The following THAP2 variants were observed in gnomAD, a reference collection of about 807,000 sequenced individuals.
THAP2 encodes the protein THAP domain-containing protein 2.
A neutral mutation model predicts 18.8 loss-of-function variants in THAP2; 16 were observed. The ratio of observed to expected loss-of-function variants is 0.85; its 90% confidence interval spans 0.58 to 1.29. The LOEUF is 1.29. Among genes scored for constraint, THAP2 ranks in the 50% most tolerant of loss-of-function variants. The pLI, the probability that THAP2 is intolerant of heterozygous loss-of-function variation, is 0.00. For missense variants in THAP2, 251 were observed against 265.3 expected, an observed-to-expected ratio of 0.95 and a Z score of 0.38; for synonymous variants, 80 against 89.2, an observed-to-expected ratio of 0.90 and a Z score of 0.58.
chr12:71,680,319 C>G lies in THAP2; in HGVS notation c.*3211C>G, dbSNP rs376458374. On this transcript the variant is annotated 3_prime_UTR_variant, in exon 3 of 3. Transcript: ENST00000308086. ...GCTGTTCACATTATCCTTTGTTTAA[C>G]GTATGAACCAGGTTACTAAAATAGG... 4.6e-5 allele frequency: 7 copies of G among 152,424 alleles called. No individual in the cohort carries two copies. Among genetic ancestry groups the G allele is most frequent in the African/African-American group, 1.4e-4 (6 of 41,428 alleles). The allele number at this position is 152,424 out of a possible 1,614,324, so 9.4% of individuals were successfully genotyped here. A position where few individuals can be genotyped will look rare whatever the true frequency, so the allele number is the denominator to read the frequency against.
chr12:71,676,295 G>A (rs1487846366), intron 2 of THAP2, among the ~76,000 whole-genome samples: 1 of 151,964 alleles, frequency 6.6e-6, no homozygotes, highest in Non-Finnish European at 1.5e-5. Flanking sequence ...ATTGAGAAAA[G>A]GGTATTTAAT....
rs1338315266 is a variant in THAP2, at chr12:71,676,925, AGCCACGTGT to A, written c.505_513del (p.Ala169_Cys171del). On this transcript the variant is annotated inframe_deletion, in exon 3 of 3. Transcript: ENST00000308086. Reference sequence around the variant, plus strand: ...GCAGAGCAACTCGAAGATGGATCAAAGCCACGTGTTTGGTAAAGAATTTAGAAGCAAATA... The same window carrying A: ...GCAGAGCAACTCGAAGATGGATCAAATTGGTAAAGAATTTAGAAGCAAATA... The A allele has an allele frequency of 6.2e-7, 1 of 1,613,848 alleles. No homozygotes were observed. Among genetic ancestry groups the A allele is most frequent in the Admixed American group, 1.7e-5 (1 of 59,996 alleles).
chr12:71,670,721 C>T (rs1881422317), intron 1 of THAP2, among the ~76,000 whole-genome samples: 1 of 151,874 alleles, frequency 6.6e-6, no homozygotes, highest in African/African-American at 2.4e-5. Flanking sequence ...GGTGGGTCAC[C>T]TGAGGTCAGG....
intron 1 of THAP2, among the ~76,000 whole-genome samples, chr12:71,672,478 A>G (rs960375332): frequency 6.6e-6 from 1 of 152,190 alleles, no homozygotes; most frequent in Non-Finnish European, 1.5e-5. Flanking sequence ...TTCTTTCTAA[A>G]AAAAAACTAC....
intron 2 of THAP2, among the ~76,000 whole-genome samples, chr12:71,675,579 A>ACATC (rs1270770027): frequency 6.6e-6 from 1 of 152,130 alleles, no homozygotes; most frequent in Non-Finnish European, 1.5e-5. Context: ...GATAGGAACC[A>ACATC]CATCATCTTA....
chr12:71,675,948 G>A (rs1468633337), intron 2 of THAP2, among the ~76,000 whole-genome samples: 4 of 151,946 alleles, frequency 2.6e-5, no homozygotes, highest in Admixed American at 2.0e-4. Flanking sequence ...GATATGATAC[G>A]GGCCCAGTGT....
rs1187653659 is a variant in THAP2, at chr12:71,678,717, A to G, written c.*1609A>G. On this transcript the variant is annotated 3_prime_UTR_variant, in exon 3 of 3. Transcript: ENST00000308086. ...TTAGGATTGCATTTGCTTGGCTCCT[A>G]GTAACAATTCTTTTACAGTATTAGC... The G allele has an allele frequency of 6.6e-6, 1 of 152,146 alleles. No individual in the cohort carries two copies. Among genetic ancestry groups the G allele is most frequent in the Non-Finnish European group, 1.5e-5 (1 of 68,012 alleles). 9.4% of individuals were successfully genotyped at this position (152,146 alleles called of 1,614,324 possible). A position where few individuals can be genotyped will look rare whatever the true frequency, so the allele number is the denominator to read the frequency against.
In THAP2 at chr12:71,676,775, G is replaced by C; in HGVS notation, c.354G>C (p.Gln118His). ...PSNLKSNISS[Q>H]QVLLEHSYAF... ...ATTTAAAATCAAACATTAGTAGTCA[G>C]CAAGTACTACTTGAACACAGCTATG... is the stretch of plus-strand genomic sequence containing the variant. The change falls in exon 3 of 3, where the codon CAG becomes CAC. Residue 118 changes from glutamine (Q) to histidine (H), a missense_variant. Transcript: ENST00000308086. 6.2e-7 allele frequency: 1 copy of C among 1,612,986 alleles called. No homozygotes were observed. The highest frequency in any genetic ancestry group is 8.5e-7 in the Non-Finnish European group (1 of 1,179,336).
chr12:71,674,358 T>C lies in THAP2; in HGVS notation c.227T>C (p.Val76Ala), dbSNP rs1881489261. The change falls in exon 2 of 3, where the codon GTT (valine) becomes GCT (alanine). Residue 76 changes from valine (V) to alanine (A), a missense_variant. By Grantham distance (64) the Val-to-Ala change is moderately conservative. Transcript: ENST00000308086. The stretch of plus-strand genomic sequence containing the variant: ...ACTCGACGACTTAAAATGGATGCTG[T>C]TCCAACCATTTTTGATTTTTGTACC... ...GQTRRLKMDA[V>A]PTIFDFCTHI... 2 of 1,611,484 alleles carry C rather than the reference T, an allele frequency of 1.2e-6. No individual in the cohort carries two copies. The highest frequency in any genetic ancestry group is 1.7e-6 in the Non-Finnish European group (2 of 1,178,398).
chr12:71,676,976 T>G lies in THAP2; in HGVS notation c.555T>G (p.Gly185=). 1 of 1,613,714 alleles carries G rather than the reference T, an allele frequency of 6.2e-7. No homozygotes were observed. Among genetic ancestry groups the G allele is most frequent in the Non-Finnish European group, 8.5e-7 (1 of 1,179,678 alleles). The part of the protein sequence containing the change: ...NLEANSVLPK[G]TSEHMLPTAL... ...AAGCAAATAGTGTATTACCTAAAGG[T>G]ACATCAGAACACATGTTACCAACTG... is the stretch of plus-strand genomic sequence containing the variant. Residue 185 remains glycine, a synonymous_variant, in exon 3 of 3, where the codon GGT becomes GGG. Coordinates refer to ENST00000308086, the MANE Select transcript of THAP2 (RefSeq NM_031435.4).
chr12:71,676,515 A>T (rs1881522084), intron 2 of THAP2, among the ~76,000 whole-genome samples, 174 bp from the exon 3 acceptor site: 1 of 152,132 alleles, frequency 6.6e-6, no homozygotes, highest in African/African-American at 2.4e-5. Context: ...TAATTCAACC[A>T]GTTAAAAAAC....
chr12:71,666,110 T>TAA (rs1881338204), intron 1 of THAP2, among the ~76,000 whole-genome samples: 4 of 152,146 alleles, frequency 2.6e-5, no homozygotes, highest in Admixed American at 2.6e-4. Context: ...AGGGTGATAT[T>TAA]AGAGTAGAAA....
intron 1 of THAP2, chr12:71,665,577 G>A (rs887884818): frequency 1.3e-5 from 2 of 152,190 alleles, no homozygotes; most frequent in Admixed American, 6.5e-5. Context: ...CTGGAATTTA[G>A]AATTTAATGG....
intron 1 of THAP2, 96 bp downstream of exon 1, chr12:71,664,676 A>G (rs1314626751): frequency 2.8e-6 from 4 of 1,422,560 alleles, no homozygotes; most frequent in Non-Finnish European, 3.0e-6. Context: ...TAATTCTAAT[A>G]ACTTTCCCAG....
chr12:71,664,682 C>T, intron 1 of THAP2, 102 bp downstream of exon 1: 2 of 1,370,306 alleles, frequency 1.5e-6, no homozygotes, highest in South Asian at 1.2e-5. Context: ...TAATAACTTT[C>T]CCAGCTGGTA....
intron 1 of THAP2, chr12:71,664,807 C>G: frequency 2.8e-6 from 2 of 709,576 alleles, no homozygotes; most frequent in Admixed American, 4.0e-5. Context: ...GGTCATTACC[C>G]CTTAGTAAAA....
rs1229736486 is a variant in THAP2, at chr12:71,677,331, G to A, written c.*223G>A. The A allele has an allele frequency of 2.8e-6, 1 of 359,758 alleles. No individual in the cohort carries two copies. The highest frequency in any genetic ancestry group is 4.8e-6 in the Non-Finnish European group (1 of 209,642). The allele number at this position is 359,758 out of a possible 1,614,324, so 22.3% of individuals were successfully genotyped here. A position where few individuals can be genotyped will look rare whatever the true frequency, so the allele number is the denominator to read the frequency against. ...TTAGAATTACGGACTTAAAAATTTT[G>A]CTAATAAATTGTGTGTTTGAAAGGT... is the stretch of plus-strand genomic sequence containing the variant. On this transcript the variant is annotated 3_prime_UTR_variant, in exon 3 of 3. Coordinates refer to ENST00000308086, the MANE Select transcript of THAP2 (RefSeq NM_031435.4).
At chr12:71,667,640 A>C (rs1309797843) in intron 1 of THAP2, 1 of 152,210 alleles carries the variant, frequency 6.6e-6, no homozygotes, top group Non-Finnish European at 1.5e-5. Context: ...GTAGGCTCTT[A>C]ACTGGCTCAC....
Position 71,677,031 on chromosome 12 carries a change from A to C in THAP2, c.610A>C (p.Lys204Gln). ...ALSSLPLEDFKILEQDQQDKT... is the reference protein window; with the variant it reads ...ALSSLPLEDFQILEQDQQDKT... Reference sequence around the variant, plus strand: ...AAGCAGTCTTCCTTTGGAAGATTTTAAGATCCTTGAACAAGATCAACAAGA... The same window carrying C: ...AAGCAGTCTTCCTTTGGAAGATTTTCAGATCCTTGAACAAGATCAACAAGA... Residue 204 changes from lysine (K) to glutamine (Q), a missense_variant, in exon 3 of 3, where the codon AAG becomes CAG. Coordinates refer to ENST00000308086, the MANE Select transcript of THAP2 (RefSeq NM_031435.4). 13 of 1,613,500 alleles carry C rather than the reference A, an allele frequency of 8.1e-6. No homozygotes were observed. Among genetic ancestry groups the C allele is most frequent in the Non-Finnish European group, 1.1e-5 (13 of 1,179,586 alleles).
Sources: gnomAD v4.1 joint callset for allele counts (sites outside exome capture counted in the v4.1 genomes callset) on GRCh38, gnomAD v4.1.1 for gene constraint, MANE v1.5 for transcripts, NCBI Gene and HGNC (gene_info 2026-07-23, HGNC 2026-07-21) for gene names.